Variants in ENPP3 observed in about 807,000 individuals in gnomAD.
The protein encoded by ENPP3 is ectonucleotide pyrophosphatase/phosphodiesterase 3, also known as ectonucleotide pyrophosphatase/phosphodiesterase family member 3.
In ENPP3, 104 loss-of-function variants were observed where a neutral mutation model predicts 117.8. The ratio of observed to expected loss-of-function variants is 0.88; its 90% CI spans 0.75 to 1.04. The LOEUF is 1.04. Among genes scored for constraint, ENPP3 ranks in the 50% least tolerant of loss-of-function variants. ENPP3 has a pLI of 0.00. For missense variants in ENPP3, 1,026 were observed against 1,051.9 expected (o/e 0.98, Z 0.34); for synonymous variants, 380 against 349.9 (o/e 1.09, Z -0.96).
chr6:131,681,561 A>G (rs1451859869), intron 11 of ENPP3, among the ~76,000 whole-genome samples: 1 of 152,170 alleles, frequency 6.6e-6, no homozygotes, highest in African/African-American at 2.4e-5. Flanking sequence ...TAAACTTTAT[A>G]TTAGTTCCAT....
intron 2 of ENPP3, among the ~76,000 whole-genome samples, chr6:131,645,999 C>T (rs534535236): frequency 6.6e-6 from 1 of 152,250 alleles, no homozygotes; most frequent in African/African-American, 2.4e-5. Flanking sequence ...GGCCTCACCT[C>T]CCTGTTCTAA....
intron 14 of ENPP3, 94 bp from the exon 15 acceptor site, chr6:131,693,403 T>C (rs1779332260): frequency 8.7e-7 from 1 of 1,151,002 alleles, no homozygotes; most frequent in African/African-American, 1.6e-5. Flanking sequence ...CCCTTACTTT[T>C]AAAAGGTGCT....
rs1204052664 is a variant in ENPP3 at position 131,642,988 on chromosome 6, A to T, written c.154+1458A>T. ...AGCTCTGGCCCCATTTTTAAATTTG[A>T]CTAAAACCTTCTAGTGTGACTCCAG... On this transcript the variant is annotated intron_variant, in intron 2 of 24. Transcript: ENST00000357639. 5.3e-5 allele frequency: 8 copies of T among 152,182 alleles called. No individual in the cohort carries two copies. The East Asian group carries it at 1.5e-3, about 29-fold the overall frequency. 9.4% of individuals were successfully genotyped at this position (152,182 alleles called of 1,614,324 possible). A position where few individuals can be genotyped will look rare whatever the true frequency, so the allele number is the denominator to read the frequency against.
chr6:131,717,641 CTAAT>C (rs1037920402), intron 15 of ENPP3, among the ~76,000 whole-genome samples: 1 of 151,976 alleles, frequency 6.6e-6, no homozygotes, highest in Admixed American at 6.6e-5. Flanking sequence ...TAGGCAAAAA[CTAAT>C]TAATTAAATT....
At position 131,724,185 on chromosome 6, in the gene ENPP3, G is replaced by C. The variant is rs964892059; in HGVS notation, c.1798+94G>C. Reference sequence around the variant, plus strand: ...GGACTCTCCAAAATAAGCTGACAGAGGTTCCTGAACATAAAGATTTTATTG... The same window carrying C: ...GGACTCTCCAAAATAAGCTGACAGACGTTCCTGAACATAAAGATTTTATTG... On this transcript the variant is annotated intron_variant, in intron 19 of 24. Transcript: ENST00000357639. 11 of 702,370 alleles carry C rather than the reference G, an allele frequency of 1.6e-5. No homozygotes were observed. The Admixed American group carries it at 1.6e-4, about 10-fold the overall frequency. 43.5% of individuals were successfully genotyped at this position (702,370 alleles called of 1,614,324 possible).
intron 2 of ENPP3, among the ~76,000 whole-genome samples, chr6:131,647,598 A>G (rs912028775): frequency 6.6e-6 from 1 of 152,182 alleles, no homozygotes; most frequent in Non-Finnish European, 1.5e-5. Context: ...CTATCAATTC[A>G]TGACCAATAC....
At chr6:131,726,675 A>C (rs1780161119) in intron 20 of ENPP3, among the ~76,000 whole-genome samples, 1 of 151,686 alleles carries the variant, frequency 6.6e-6, no homozygotes, top group Non-Finnish European at 1.5e-5. Flanking sequence ...TCTCTGAAGG[A>C]TCTGGCACTC....
chr6:131,730,452 T>C (rs943064992), intron 20 of ENPP3, among the ~76,000 whole-genome samples: 1 of 152,218 alleles, frequency 6.6e-6, no homozygotes, highest in Non-Finnish European at 1.5e-5. Flanking sequence ...TCGTATTTCT[T>C]GGTTTACTTC....
rs138449456 is a variant in ENPP3 at position 131,690,711 on chromosome 6, G to C, written c.1285-2786G>C. ...TGGTTAATATAATCTGGGACCCACT[G>C]CAAGTTTCAAGTAGAATGCCCATTA... is the stretch of plus-strand genomic sequence containing the variant. On this transcript the variant is annotated intron_variant, in intron 14 of 24. Transcript: ENST00000357639. Among the ~76,000 whole-genome samples the C allele has an allele frequency of 6.7e-3, 1,025 of 152,032 alleles. 9 individuals carry two copies. The highest frequency in any genetic ancestry group is 0.023 in the African/African-American group (972 of 41,472).
intron 2 of ENPP3, among the ~76,000 whole-genome samples, chr6:131,649,425 CCTTCCTTAG>C (rs1192391743): frequency 6.6e-6 from 1 of 152,172 alleles, no homozygotes; most frequent in Non-Finnish European, 1.5e-5. Flanking sequence ...TCCAAACATG[CCTTCCTTAG>C]CTTCACTGAT....
intron 16 of ENPP3, among the ~76,000 whole-genome samples, chr6:131,718,988 G>A (rs79005313): frequency 0.021 from 3,220 of 152,150 alleles, 104 homozygotes; most frequent in African/African-American, 0.072. Context: ...CTGCCCTCAC[G>A]AAGCTTTTAT....
intron 15 of ENPP3, among the ~76,000 whole-genome samples, chr6:131,695,899 G>C (rs1314962116): frequency 6.6e-6 from 1 of 151,676 alleles, no homozygotes; most frequent in Non-Finnish European, 1.5e-5. Context: ...CTGGGCAACA[G>C]AGCAAGACTC....
chr6:131,678,913 C>CTTTCTTTCTT (rs1562446400), intron 11 of ENPP3, among the ~76,000 whole-genome samples: 2 of 51,128 alleles, frequency 3.9e-5, no homozygotes, highest in Admixed American at 4.2e-4. Context: ...TTCTCTCTTT[C>CTTTCTTTCTT]TTTCTTTCTT....
intron 9 of ENPP3, among the ~76,000 whole-genome samples, chr6:131,675,875 G>A (rs1778857343): frequency 6.6e-6 from 1 of 152,064 alleles, no homozygotes; most frequent in Non-Finnish European, 1.5e-5. Flanking sequence ...AAAATAAAAT[G>A]CAAGTCCAAT....
In ENPP3 at chr6:131,677,918, C is replaced by T. The variant is rs139469402; in HGVS notation, c.989C>T (p.Ala330Val). Residue 330 changes from alanine to valine, a missense_variant, in exon 11 of 25, where the codon GCA (alanine) becomes GTA (valine). By Grantham distance (64) the Ala-to-Val change is moderately conservative. Transcript: ENST00000357639. ...GAAGAACCTGATTCCTCTGGACATG[C>T]AGGTGGACCAGTCAGTGCCAGAGTA... is the stretch of plus-strand genomic sequence containing the variant. The part of the protein sequence containing the change: ...YFEEPDSSGH[A>V]GGPVSARVIK... 1 of 1,608,996 alleles carries T rather than the reference C, an allele frequency of 6.2e-7. No individual in the cohort carries two copies. Among genetic ancestry groups the T allele is most frequent in the Admixed American group, 1.7e-5 (1 of 59,956 alleles).
intron 24 of ENPP3, among the ~76,000 whole-genome samples, chr6:131,741,742 G>A (rs1041560788): frequency 6.6e-6 from 1 of 152,138 alleles, no homozygotes; most frequent in African/African-American, 2.4e-5. Flanking sequence ...CTTTTTGGCA[G>A]GTAGATAGGA....
At chr6:131,739,593 C>CTTTGTT (rs1780479763) in intron 23 of ENPP3, among the ~76,000 whole-genome samples, 1 of 87,460 alleles carries the variant, frequency 1.1e-5, no homozygotes, top group Non-Finnish European at 2.2e-5. Context: ...TCATGCTCTG[C>CTTTGTT]TTTTTTTTTT....
chr6:131,688,636 C>T (rs986833974), intron 14 of ENPP3, among the ~76,000 whole-genome samples: 1 of 152,086 alleles, frequency 6.6e-6, no homozygotes, highest in Non-Finnish European at 1.5e-5. Flanking sequence ...GTCTTTTAAG[C>T]CAAAACCTAA....
At position 131,674,273 on chromosome 6, in the gene ENPP3, G is replaced by T. The variant is rs1345779429; in HGVS notation, c.754G>T (p.Gly252Trp). Residue 252 changes from glycine (G) to tryptophan (W), a missense_variant, in exon 8 of 25, where the codon GGG becomes TGG. Transcript: ENST00000357639. ...ACAAAATAATCCAGCCTGGTGGCAT[G>T]GGCAACCAGTATGTAGCATTCTACA... ...KEQNNPAWWH[G>W]QPMWLTAMYQ... The T allele has an allele frequency of 1.9e-6, 3 of 1,613,458 alleles. No individual in the cohort carries two copies. The highest frequency in any genetic ancestry group is 2.5e-6 in the Non-Finnish European group (3 of 1,179,528).
Sources: gnomAD v4.1 joint callset for allele counts (sites outside exome capture counted in the v4.1 genomes callset) on GRCh38, gnomAD v4.1.1 for gene constraint, MANE v1.5 for transcripts, NCBI Gene and HGNC (gene_info 2026-07-23, HGNC 2026-07-21) for gene names.